The following CLVS1 variants were observed in gnomAD, a reference collection of about 807,000 sequenced individuals.
The protein encoded by CLVS1 is clavesin 1, also known as clavesin-1.
CLVS1 carries 10 observed loss-of-function variants against 33.1 expected under a neutral mutation model. The observed-to-expected ratio is 0.30, with a 90% CI of 0.19 to 0.51. The LOEUF (loss-of-function observed/expected upper bound fraction) is 0.51, where lower values mean the gene tolerates loss of function less well. Among genes scored for constraint, CLVS1 ranks in the 20% least tolerant of loss-of-function variants. The pLI is 0.97. For synonymous variants in CLVS1, 163 were observed against 166.1 expected (o/e 0.98, Z 0.14); for missense variants, 343 against 433.4 (o/e 0.79, Z 1.85).
chr8:61,012,907 C>CT, the CLVS1 span, among the ~76,000 whole-genome samples: 2 of 152,184 alleles, frequency 1.3e-5, no homozygotes, highest in East Asian at 3.8e-4. Context: ...CTGCAGACTG[C>CT]TGTGCTCATC....
At chr8:61,413,032 T>G (rs546445371) in intron 3 of CLVS1, among the ~76,000 whole-genome samples, 13 of 152,310 alleles carry the variant, frequency 8.5e-5, no homozygotes, top group African/African-American at 3.1e-4. Context: ...TTTTTGGATT[T>G]AATATTTTGA....
intron 2 of CLVS1, among the ~76,000 whole-genome samples, chr8:61,156,378 C>T (rs531221978): frequency 2.0e-5 from 3 of 151,888 alleles, no homozygotes; most frequent in South Asian, 2.1e-4. Flanking sequence ...TCTCACACTT[C>T]GGATATGGCT....
intron 2 of CLVS1, among the ~76,000 whole-genome samples, chr8:61,150,873 C>G (rs969833420): frequency 1.2e-4 from 18 of 152,046 alleles, no homozygotes; most frequent in Admixed American, 3.3e-4. Context: ...GCATCTAGAC[C>G]CCTGAAAGTC....
At position 61,331,807 on chromosome 8, in the gene CLVS1, C is replaced by T. The variant is rs9298051; in HGVS notation, c.455+31525C>T. Among the ~76,000 whole-genome samples, 716 of 93,140 alleles carry T rather than the reference C, an allele frequency of 7.7e-3. 2 individuals carry two copies. Among genetic ancestry groups the T allele is most frequent in the Middle Eastern group, 0.025 (5 of 204 alleles). The allele number at this position is 93,140 out of a possible 152,430, so 61.1% of individuals were successfully genotyped here. ...TCCTCCAGCTTCTTCTTCTTCTTCT[C>T]CTCCTCCTCCTCCTCTTCCTCCTCC... On this transcript the variant is annotated intron_variant, in intron 2 of 5. Coordinates refer to ENST00000325897, the MANE Select transcript of CLVS1 (RefSeq NM_173519.3).
rs546816176 is a variant in CLVS1 at position 61,423,062 on chromosome 8, A to G, written c.631-31079A>G. On this transcript the variant is annotated intron_variant, in intron 3 of 5. Coordinates refer to ENST00000325897, the MANE Select transcript of CLVS1 (RefSeq NM_173519.3). Reference sequence around the variant, plus strand: ...TGATTGTTCTTAATGGGAAGCTACAAGGATCAAAGTGCATCTCAAAGCATT... The same window carrying G: ...TGATTGTTCTTAATGGGAAGCTACAGGGATCAAAGTGCATCTCAAAGCATT... Among the ~76,000 whole-genome samples, 127 of 152,114 alleles carry G rather than the reference A, an allele frequency of 8.3e-4. 1 individual carries two copies. The highest frequency in any genetic ancestry group is 3.9e-3 in the Admixed American group (60 of 15,278).
At chr8:61,202,367 A>G in intron 2 of CLVS1, 1 of 747,224 alleles carries the variant, frequency 1.3e-6, no homozygotes, top group South Asian at 1.4e-5. Context: ...GATCTGATGG[A>G]CGTGGACATG....
intron 3 of CLVS1, among the ~76,000 whole-genome samples, chr8:61,434,423 C>G (rs1389030778): frequency 6.6e-6 from 1 of 152,154 alleles, no homozygotes; most frequent in Non-Finnish European, 1.5e-5. Flanking sequence ...TTATTCTGAG[C>G]CAAATATGAG....
At chr8:61,038,910 G>A in the CLVS1 span, among the ~76,000 whole-genome samples, 2 of 152,240 alleles carry the variant, frequency 1.3e-5, no homozygotes, top group South Asian at 4.1e-4. Flanking sequence ...ACTTAAATAG[G>A]TTAAGCTCTT....
intron 2 of CLVS1, among the ~76,000 whole-genome samples, chr8:61,314,688 G>C (rs1453693666): frequency 6.6e-6 from 1 of 152,166 alleles, no homozygotes; most frequent in African/African-American, 2.4e-5. Flanking sequence ...AAGATTCTTA[G>C]AGAATTATGA....
chr8:61,439,480 C>G (rs937560529), intron 3 of CLVS1, among the ~76,000 whole-genome samples: 1 of 152,186 alleles, frequency 6.6e-6, no homozygotes, highest in African/African-American at 2.4e-5. Context: ...GCATTTCACT[C>G]CTTCTCTCCT....
chr8:61,425,970 C>G (rs1002549292), intron 3 of CLVS1, among the ~76,000 whole-genome samples: 3 of 152,216 alleles, frequency 2.0e-5, no homozygotes, highest in Non-Finnish European at 4.4e-5. Flanking sequence ...TGATGTATCT[C>G]ACCCTTTAGA....
intron 1 of CLVS1, among the ~76,000 whole-genome samples, chr8:61,096,662 A>ACTC (rs1296985824): frequency 6.6e-6 from 1 of 152,186 alleles, no homozygotes; most frequent in Non-Finnish European, 1.5e-5. Flanking sequence ...ATACCAGAAC[A>ACTC]TGAGTCAATA....
chr8:61,426,247 A>G (rs1815887845), intron 3 of CLVS1, among the ~76,000 whole-genome samples: 1 of 152,146 alleles, frequency 6.6e-6, no homozygotes, highest in Non-Finnish European at 1.5e-5. Context: ...TCAAGTCATT[A>G]TTTTGAGTAT....
chr8:60,974,758 A>G, the CLVS1 span, among the ~76,000 whole-genome samples: 1 of 151,962 alleles, frequency 6.6e-6, no homozygotes, highest in Non-Finnish European at 1.5e-5. Flanking sequence ...CAGCCTGGGC[A>G]ATAGAGCAAG....
intron 2 of CLVS1, among the ~76,000 whole-genome samples, chr8:61,336,061 C>A (rs1370034014): frequency 6.6e-6 from 1 of 152,118 alleles, no homozygotes; most frequent in Non-Finnish European, 1.5e-5. Context: ...CTGAGAAAAG[C>A]AAGAGGACGG....
intron 1 of CLVS1, among the ~76,000 whole-genome samples, chr8:61,070,601 A>T (rs1804774894): frequency 6.6e-6 from 1 of 152,204 alleles, no homozygotes; most frequent in South Asian, 2.1e-4. Flanking sequence ...GTACTCTGGG[A>T]GGCCAAGGCA....
At chr8:61,189,892 G>T (rs1018432098) in intron 2 of CLVS1, among the ~76,000 whole-genome samples, 1 of 151,986 alleles carries the variant, frequency 6.6e-6, no homozygotes, top group African/African-American at 2.4e-5. Flanking sequence ...AGAGACCTAC[G>T]AAGAGACTTA....
chr8:61,458,757 G>A (rs532480285), intron 5 of CLVS1: 1 of 445,262 alleles, frequency 2.2e-6, no homozygotes, highest in Non-Finnish European at 4.0e-6. Context: ...CAAAGGAATA[G>A]TTAAAGGCTA....
intron 2 of CLVS1, among the ~76,000 whole-genome samples, chr8:61,234,867 T>TA (rs112548523): frequency 2.0e-5 from 3 of 152,006 alleles, no homozygotes; most frequent in African/African-American, 7.2e-5. Context: ...GTTAGGTCTT[T>TA]AAAAAAAATA....
Sources: allele counts gnomAD v4.1 joint callset (sites outside exome capture counted in the v4.1 genomes callset), GRCh38; gene constraint gnomAD v4.1.1; transcripts MANE v1.5; gene names NCBI Gene and HGNC (gene_info 2026-07-23, HGNC 2026-07-21).